Variants in SH3TC2 observed in about 807,000 individuals in gnomAD.
SH3TC2 encodes SH3 domain and tetratricopeptide repeat-containing protein 2.
In SH3TC2, 87 loss-of-function variants were observed where a neutral mutation model predicts 124.5. That is an observed-to-expected ratio of 0.70 (90% CI 0.59 to 0.84). The LOEUF (loss-of-function observed/expected upper bound fraction) is 0.84, where lower values mean the gene tolerates loss of function less well. SH3TC2 is among the 40% of genes least tolerant of loss of function. SH3TC2 has a pLI of 0.00. For synonymous variants in SH3TC2, 634 were observed against 628.5 expected (o/e 1.01, Z -0.13); for missense variants, 1,536 against 1,566.4 (o/e 0.98, Z 0.33).
At chr5:149,044,225 C>A (rs889569767) in intron 4 of SH3TC2, 1 of 361,810 alleles carries the variant, frequency 2.8e-6, no homozygotes, top group African/African-American at 2.1e-5. Flanking sequence ...ACCAAGTTCA[C>A]ATCTATTTCA....
intron 8 of SH3TC2, among the ~76,000 whole-genome samples, chr5:149,032,323 AG>A (rs1754211132): frequency 6.6e-6 from 1 of 152,244 alleles, no homozygotes; most frequent in Admixed American, 6.5e-5. Flanking sequence ...TAAGCAATAA[AG>A]ATCTTGATAC....
Position 148,986,515 on chromosome 5 carries a change from T to C in SH3TC2, c.*18196A>G, listed in dbSNP as rs544367145. ...TTTCTGCTGTTTCTCTGACCCTTTG[T>C]GAGTTAAGATCTGCCAGGGTAGCAA... On this transcript the variant is annotated 3_prime_UTR_variant, in exon 17 of 17. Transcript: ENST00000515425. Among the ~76,000 whole-genome samples the C allele has an allele frequency of 3.3e-5, 5 of 152,362 alleles. No homozygotes were observed. The highest frequency in any genetic ancestry group is 1.2e-4 in the African/African-American group (5 of 41,584).
In SH3TC2 at chr5:148,999,500, T is replaced by C. The variant is rs1374147869; in HGVS notation, c.*5211A>G. 6.6e-6 allele frequency among the ~76,000 whole-genome samples: 1 copy of C among 152,122 alleles called. No individual in the cohort carries two copies. Among genetic ancestry groups the C allele is most frequent in the Non-Finnish European group, 1.5e-5 (1 of 68,020 alleles). On this transcript the variant is annotated 3_prime_UTR_variant, in exon 17 of 17. Coordinates refer to ENST00000515425, the MANE Select transcript of SH3TC2 (RefSeq NM_024577.4). ...CTTGAATTTCTTCCTTCTTTGCCGC[T>C]TGTCCACACATCTCAATGGGAGCAA...
chr5:149,041,767 C>G (rs528356632), intron 5 of SH3TC2, 150 bp from the exon 6 acceptor site: 13 of 836,802 alleles, frequency 1.6e-5, no homozygotes, highest in Non-Finnish European at 2.5e-5. Flanking sequence ...CTAAAAGAGG[C>G]CTTATGATCC....
rs1753551137 is a variant in SH3TC2 at position 148,998,815 on chromosome 5, C to T, written c.*5896G>A. On this transcript the variant is annotated 3_prime_UTR_variant, in exon 17 of 17. Transcript: ENST00000515425. ...GCCAGCACTTCCAGCAGCCTCCATC[C>T]TCAAGTCCCCTGAGTTCTGGAATAA... is the stretch of plus-strand genomic sequence containing the variant. Among the ~76,000 whole-genome samples, 1 of 152,176 alleles carries T rather than the reference C, an allele frequency of 6.6e-6. No homozygotes were observed. Among genetic ancestry groups the T allele is most frequent in the African/African-American group, 2.4e-5 (1 of 41,448 alleles).
intron 16 of SH3TC2, among the ~76,000 whole-genome samples, 170 bp downstream of exon 16, chr5:149,006,711 A>G (rs895792080): frequency 6.6e-6 from 1 of 152,202 alleles, no homozygotes; most frequent in Non-Finnish European, 1.5e-5. Context: ...TTAAGTGGAA[A>G]GAGCTTCCAT....
Position 148,992,590 on chromosome 5 carries a change from G to T in SH3TC2, c.*12121C>A, listed in dbSNP as rs1284099869. 1.6e-5 allele frequency among the ~76,000 whole-genome samples: 2 copies of T among 126,554 alleles called. No homozygotes were observed. Among genetic ancestry groups the T allele is most frequent in the Admixed American group, 9.0e-5 (1 of 11,090 alleles). The allele number at this position is 126,554 out of a possible 152,430, so 83.0% of individuals were successfully genotyped here. On this transcript the variant is annotated 3_prime_UTR_variant, in exon 17 of 17. Transcript: ENST00000515425. ...GTGTGTATACATAATTCCAAGAAGAGATTTCATTGGTTTTTTTTTTTTTTT... is the reference window on the plus strand; with the variant it reads ...GTGTGTATACATAATTCCAAGAAGATATTTCATTGGTTTTTTTTTTTTTTT...
intron 1 of SH3TC2, chr5:149,062,486 A>G (rs1754770400): frequency 2.1e-6 from 1 of 467,656 alleles, no homozygotes; most frequent in Non-Finnish European, 4.4e-6. Flanking sequence ...ACACTCACAC[A>G]TGCACTCACA....
intron 8 of SH3TC2, chr5:149,035,333 G>T (rs1455533968): frequency 6.6e-6 from 1 of 151,940 alleles, no homozygotes; most frequent in Non-Finnish European, 1.5e-5. Flanking sequence ...TTTAATTTAG[G>T]CACTTAAGTA....
In SH3TC2 at chr5:149,000,939, T is replaced by G. The variant is rs1223292336; in HGVS notation, c.*3772A>C. Among the ~76,000 whole-genome samples the G allele has an allele frequency of 6.6e-6, 1 of 152,054 alleles. No individual in the cohort carries two copies. Among genetic ancestry groups the G allele is most frequent in the Non-Finnish European group, 1.5e-5 (1 of 68,026 alleles). On this transcript the variant is annotated 3_prime_UTR_variant, in exon 17 of 17. Coordinates refer to ENST00000515425, the MANE Select transcript of SH3TC2 (RefSeq NM_024577.4). ...ATAGCACTGCTGAAAAACCCAGAGG[T>G]GAGGTTCTTTTATCAGAGGACAAAT...
At position 148,993,417 on chromosome 5, in the gene SH3TC2, T is replaced by C. The variant is rs1160918885; in HGVS notation, c.*11294A>G. 1.3e-5 allele frequency among the ~76,000 whole-genome samples: 2 copies of C among 152,164 alleles called. No homozygotes were observed. Among genetic ancestry groups the C allele is most frequent in the African/African-American group, 4.8e-5 (2 of 41,450 alleles). On this transcript the variant is annotated 3_prime_UTR_variant, in exon 17 of 17. Coordinates refer to ENST00000515425, the MANE Select transcript of SH3TC2 (RefSeq NM_024577.4). Reference sequence around the variant, plus strand: ...AAAATGATTTTGATAAAATAGAAGATGGAAAAAGGTAGAAATTGTTTAACT... The same window carrying C: ...AAAATGATTTTGATAAAATAGAAGACGGAAAAAGGTAGAAATTGTTTAACT...
intron 12 of SH3TC2, among the ~76,000 whole-genome samples, chr5:149,013,666 G>T (rs1285463802): frequency 1.3e-5 from 2 of 152,140 alleles, no homozygotes; most frequent in Admixed American, 6.5e-5. Context: ...TAATTATTTG[G>T]AAAATTGTAT....
chr5:149,033,227 A>C (rs1754227235), intron 8 of SH3TC2, among the ~76,000 whole-genome samples: 1 of 152,104 alleles, frequency 6.6e-6, no homozygotes, highest in Non-Finnish European at 1.5e-5. Flanking sequence ...GTTCCAGGAC[A>C]ACTTACGAGA....
At chr5:149,012,245 A>G (rs1347303335) in intron 13 of SH3TC2, among the ~76,000 whole-genome samples, 2 of 152,232 alleles carry the variant, frequency 1.3e-5, no homozygotes, top group African/African-American at 4.8e-5. Flanking sequence ...ACTGCAGCAA[A>G]ACCCTAAAGT....
intron 9 of SH3TC2, 68 bp from the exon 10 acceptor site, chr5:149,028,786 G>A (rs1170937878): frequency 6.5e-7 from 1 of 1,543,766 alleles, no homozygotes; most frequent in Non-Finnish European, 9.0e-7. Flanking sequence ...GCCTCCAGGT[G>A]TACCCCAGAT....
At chr5:149,059,301 T>C (rs1754705313) in intron 1 of SH3TC2, among the ~76,000 whole-genome samples, 1 of 152,064 alleles carries the variant, frequency 6.6e-6, no homozygotes, top group Non-Finnish European at 1.5e-5. Context: ...TTTCTCTACA[T>C]TAACCTGACC....
chr5:149,058,459 T>C (rs1026028098), intron 1 of SH3TC2, among the ~76,000 whole-genome samples: 2 of 152,212 alleles, frequency 1.3e-5, no homozygotes, highest in African/African-American at 4.8e-5. Context: ...TAATCACTTT[T>C]TCACATGCTT....
intron 9 of SH3TC2, among the ~76,000 whole-genome samples, chr5:149,029,414 G>A (rs1441040970): frequency 7.9e-5 from 12 of 152,206 alleles, no homozygotes; most frequent in Non-Finnish European, 1.5e-5. Flanking sequence ...GCTCTAGGCA[G>A]ATAATGATGT....
chr5:149,047,797 T>C (rs781527276), intron 3 of SH3TC2, 65 bp downstream of exon 3: 3 of 1,607,224 alleles, frequency 1.9e-6, no homozygotes, highest in Non-Finnish European at 2.6e-6. Context: ...TCTTAGATGC[T>C]AGGGATCCTG....
Sources: allele counts gnomAD v4.1 joint callset (sites outside exome capture counted in the v4.1 genomes callset), GRCh38; gene constraint gnomAD v4.1.1; transcripts MANE v1.5; gene names NCBI Gene and HGNC (gene_info 2026-07-23, HGNC 2026-07-21).